The following SEMA6D variants were observed in gnomAD, a reference collection of about 807,000 sequenced individuals.
SEMA6D encodes the protein semaphorin-6D.
A neutral mutation model predicts 106.6 loss-of-function variants in SEMA6D; 35 were observed. The ratio of observed to expected loss-of-function variants is 0.33; its 90% CI spans 0.25 to 0.44. The LOEUF is 0.44. SEMA6D is among the 20% of genes least tolerant of loss of function. The pLI is 1.00. For synonymous variants in SEMA6D, 499 were observed against 487.7 expected (o/e 1.02, Z -0.31); for missense variants, 1,185 against 1,345.9 (o/e 0.88, Z 1.87).
chr15:47,483,327 A>G (rs879809352), intron 3 of SEMA6D, among the ~76,000 whole-genome samples: 5 of 152,170 alleles, frequency 3.3e-5, no homozygotes, highest in Non-Finnish European at 5.9e-5. Context: ...CCAGAGACTG[A>G]TCAACTTGAT....
At chr15:47,683,916 C>T (rs2078414273) in intron 4 of SEMA6D, among the ~76,000 whole-genome samples, 2 of 152,188 alleles carry the variant, frequency 1.3e-5, no homozygotes, top group Non-Finnish European at 2.9e-5. Flanking sequence ...TGACCCTCCT[C>T]AAGTTTAATA....
intron 2 of SEMA6D, among the ~76,000 whole-genome samples, chr15:47,463,866 A>C (rs983836131): frequency 5.3e-5 from 8 of 152,118 alleles, no homozygotes; most frequent in Admixed American, 3.9e-4. Flanking sequence ...TGGTGTCTCC[A>C]GTCATACTTT....
chr15:47,408,510 T>C (rs908581796), intron 1 of SEMA6D, among the ~76,000 whole-genome samples: 3 of 152,216 alleles, frequency 2.0e-5, no homozygotes, highest in Admixed American at 1.3e-4. Flanking sequence ...CTTATAATGC[T>C]TGCACACTAG....
In SEMA6D at chr15:47,197,243, T is replaced by G. The variant is rs187304791; in HGVS notation, c.-239+12825T>G. ...CTCCTCCTAGCCTGTGATGATTTGA[T>G]GCTGTACCCTGTATACGAGGTTATC... On this transcript the variant is annotated intron_variant, in intron 1 of 19. Transcript: ENST00000558014. 1.3e-3 allele frequency among the ~76,000 whole-genome samples: 195 copies of G among 152,296 alleles called. 2 individuals carry two copies. The highest frequency in any genetic ancestry group is 4.5e-3 in the African/African-American group (186 of 41,568).
intron 3 of SEMA6D, among the ~76,000 whole-genome samples, chr15:47,544,640 A>AT (rs2045461031): frequency 6.6e-6 from 1 of 152,086 alleles, no homozygotes; most frequent in African/African-American, 2.4e-5. Flanking sequence ...TAGATAAACT[A>AT]TGATGGAGAA....
At chr15:47,529,164 T>C (rs1362109917) in intron 3 of SEMA6D, among the ~76,000 whole-genome samples, 2 of 152,262 alleles carry the variant, frequency 1.3e-5, no homozygotes, top group East Asian at 3.9e-4. Flanking sequence ...AAATAAAATA[T>C]GTTTACTATT....
intron 1 of SEMA6D, among the ~76,000 whole-genome samples, chr15:47,411,978 ATGTGTGGCCCACAGCCAAAGTC>A (rs2040814943): frequency 6.6e-6 from 1 of 152,118 alleles, no homozygotes; most frequent in Admixed American, 6.5e-5. Flanking sequence ...GTGTGGCCCA[ATGTGTGGCCCACAGCCAAAGTC>A]TGTGTGCACA....
intron 4 of SEMA6D, among the ~76,000 whole-genome samples, chr15:47,602,469 G>A (rs1025753576): frequency 7.2e-5 from 11 of 151,878 alleles, no homozygotes; most frequent in South Asian, 6.2e-4. Context: ...AAATACTGTT[G>A]TGTATACAAA....
intron 3 of SEMA6D, among the ~76,000 whole-genome samples, chr15:47,510,818 C>T (rs1164472873): frequency 3.3e-5 from 5 of 152,184 alleles, no homozygotes; most frequent in South Asian, 2.1e-4. Flanking sequence ...TTTCCTTGAA[C>T]GGGAGCAGGG....
intron 1 of SEMA6D, among the ~76,000 whole-genome samples, chr15:47,748,966 G>A (rs1345362984): frequency 2.6e-5 from 4 of 152,074 alleles, no homozygotes; most frequent in African/African-American, 9.7e-5. Flanking sequence ...CAAAGGAGAG[G>A]ATGATGGAGA....
intron 3 of SEMA6D, among the ~76,000 whole-genome samples, chr15:47,542,855 G>T (rs1428806274): frequency 6.6e-6 from 1 of 152,154 alleles, no homozygotes; most frequent in East Asian, 1.9e-4. Context: ...ACAGAAGCCA[G>T]CTCAGGTGTC....
At chr15:47,311,953 T>C (rs901870544) in intron 1 of SEMA6D, among the ~76,000 whole-genome samples, 2 of 152,176 alleles carry the variant, frequency 1.3e-5, no homozygotes, top group Non-Finnish European at 2.9e-5. Context: ...ACTTTCCAGT[T>C]TGCCATCTTC....
At chr15:47,478,537 A>G (rs886723283) in intron 3 of SEMA6D, among the ~76,000 whole-genome samples, 1 of 152,208 alleles carries the variant, frequency 6.6e-6, no homozygotes, top group South Asian at 2.1e-4. Context: ...TTAGACCTTT[A>G]TGAAGCAACC....
intron 1 of SEMA6D, among the ~76,000 whole-genome samples, chr15:47,325,810 C>G (rs1000381940): frequency 3.3e-5 from 5 of 152,068 alleles, no homozygotes; most frequent in Admixed American, 3.3e-4. Context: ...TTTCATTTGC[C>G]TTTCTGATTG....
chr15:47,510,856 T>G (rs1396782700), intron 3 of SEMA6D, among the ~76,000 whole-genome samples: 1 of 152,186 alleles, frequency 6.6e-6, no homozygotes. Flanking sequence ...TCACATCTCC[T>G]TCAACACCAC....
At chr15:47,245,781 A>G (rs192703767) in intron 1 of SEMA6D, among the ~76,000 whole-genome samples, 1 of 152,168 alleles carries the variant, frequency 6.6e-6, no homozygotes, top group South Asian at 2.1e-4. Flanking sequence ...CCTGAACATT[A>G]AATACAAAAA....
At chr15:47,450,343 C>T (rs2042152209) in intron 2 of SEMA6D, among the ~76,000 whole-genome samples, 1 of 152,028 alleles carries the variant, frequency 6.6e-6, no homozygotes. Context: ...TGCAATGCTC[C>T]CACCTCCAGT....
chr15:47,598,013 A>G (rs12441939), intron 3 of SEMA6D, among the ~76,000 whole-genome samples: 26,309 of 151,848 alleles, frequency 0.17, 2,627 homozygotes, highest in African/African-American at 0.25. Flanking sequence ...TTTTTAAATG[A>G]TGGATGAAAT....
chr15:47,760,340 C>T lies in SEMA6D; in HGVS notation c.146C>T (p.Ser49Leu), dbSNP rs866498190. Residue 49 changes from serine to leucine, a missense_variant, in exon 3 of 19, where the codon TCA becomes TTA. Ser to Leu is a moderately radical substitution (Grantham distance 145). Transcript: ENST00000536845. The stretch of plus-strand genomic sequence containing the variant: ...TATCCGGTTTTTAGAGGACGCCCTT[C>T]AGGCAATGAATCGCAGCACAGGCTG... Reference protein sequence around the residue: ...RQYPVFRGRPSGNESQHRLDF... With the variant: ...RQYPVFRGRPLGNESQHRLDF... 6.2e-7 allele frequency: 1 copy of T among 1,613,646 alleles called. No homozygotes were observed. Among genetic ancestry groups the T allele is most frequent in the South Asian group, 1.1e-5 (1 of 91,066 alleles).
Sources: gnomAD v4.1 joint callset for allele counts (sites outside exome capture counted in the v4.1 genomes callset) on GRCh38, gnomAD v4.1.1 for gene constraint, MANE v1.5 for transcripts, NCBI Gene and HGNC (gene_info 2026-07-23, HGNC 2026-07-21) for gene names.